The following RBMS3 variants were observed in gnomAD, a reference collection of about 807,000 sequenced individuals.
RBMS3 encodes RNA binding motif single stranded interacting protein 3.
In RBMS3, 27 loss-of-function variants were observed where a neutral mutation model predicts 66.8. The observed-to-expected ratio is 0.40, with a 90% CI of 0.30 to 0.56. The LOEUF is 0.56. Among genes scored for constraint, RBMS3 ranks in the 20% least tolerant of loss-of-function variants. RBMS3 has a pLI of 0.40. For synonymous variants in RBMS3, 188 were observed against 183.0 expected (o/e 1.03, Z -0.22); for missense variants, 513 against 549.5 (o/e 0.93, Z 0.66).
At chr3:29,341,730 T>C (rs1040647714) in intron 1 of RBMS3, among the ~76,000 whole-genome samples, 2 of 152,150 alleles carry the variant, frequency 1.3e-5, no homozygotes, top group African/African-American at 2.4e-5. Flanking sequence ...CATTTGTCTT[T>C]AGTGGTTTAT....
At chr3:29,726,059 C>T (rs761111030) in intron 4 of RBMS3, among the ~76,000 whole-genome samples, 1 of 152,136 alleles carries the variant, frequency 6.6e-6, no homozygotes, top group Non-Finnish European at 1.5e-5. Context: ...TCAACATATG[C>T]AAATCAATAA....
intron 14 of RBMS3, among the ~76,000 whole-genome samples, chr3:29,995,149 G>A (rs1002166930): frequency 2.0e-4 from 31 of 152,312 alleles, no homozygotes; most frequent in African/African-American, 6.3e-4. Flanking sequence ...GAGCCGATGC[G>A]ATCAACTGGA....
chr3:29,390,880 A>G (rs556502931), intron 1 of RBMS3: 2 of 165,964 alleles, frequency 1.2e-5, no homozygotes, highest in East Asian at 2.6e-4. Flanking sequence ...CTGGAGGCGT[A>G]GTGGACATTA....
At chr3:29,542,605 C>T (rs2045807222) in intron 3 of RBMS3, among the ~76,000 whole-genome samples, 1 of 152,166 alleles carries the variant, frequency 6.6e-6, no homozygotes, top group Non-Finnish European at 1.5e-5. Flanking sequence ...AGGTGATCTG[C>T]CTGCCTTGGC....
chr3:29,928,329 T>C (rs1318117517), intron 10 of RBMS3, among the ~76,000 whole-genome samples: 1 of 139,424 alleles, frequency 7.2e-6, no homozygotes, highest in Non-Finnish European at 1.5e-5. Flanking sequence ...TTTTTTATTA[T>C]GAAATATATT....
intron 4 of RBMS3, among the ~76,000 whole-genome samples, chr3:29,685,172 C>A (rs2051670361): frequency 6.6e-6 from 1 of 152,114 alleles, no homozygotes; most frequent in Non-Finnish European, 1.5e-5. Context: ...CATTCTCCTG[C>A]CTCAGCCTCC....
At chr3:29,284,866 T>C (rs904499636) in intron 1 of RBMS3, among the ~76,000 whole-genome samples, 1 of 131,910 alleles carries the variant, frequency 7.6e-6, no homozygotes, top group African/African-American at 2.7e-5. Flanking sequence ...ATTTTTCTTT[T>C]TTTTTTTTTT....
At chr3:29,404,721 A>T (rs1259925170) in intron 1 of RBMS3, among the ~76,000 whole-genome samples, 1 of 152,082 alleles carries the variant, frequency 6.6e-6, no homozygotes, top group Admixed American at 6.6e-5. Flanking sequence ...ATAAATCTTC[A>T]ATTTGCCTTA....
intron 3 of RBMS3, among the ~76,000 whole-genome samples, chr3:29,543,875 A>G (rs1199324997): frequency 6.6e-6 from 1 of 152,128 alleles, no homozygotes; most frequent in Non-Finnish European, 1.5e-5. Context: ...TAGTTGTAAT[A>G]TTCTTTAAAA....
intron 4 of RBMS3, among the ~76,000 whole-genome samples, chr3:29,685,003 T>C (rs2051654841): frequency 6.6e-6 from 1 of 152,206 alleles, no homozygotes; most frequent in Non-Finnish European, 1.5e-5. Flanking sequence ...GTATAAGTTT[T>C]ATATTTTTCA....
At chr3:29,672,845 C>A (rs1309702034) in intron 4 of RBMS3, among the ~76,000 whole-genome samples, 1 of 152,048 alleles carries the variant, frequency 6.6e-6, no homozygotes, top group African/African-American at 2.4e-5. Flanking sequence ...ACTTTAACAC[C>A]CCACTGTCAA....
At chr3:29,995,814 T>G (rs911275476) in intron 14 of RBMS3, among the ~76,000 whole-genome samples, 5 of 152,176 alleles carry the variant, frequency 3.3e-5, no homozygotes, top group Admixed American at 1.3e-4. Context: ...TGCAAAATCA[T>G]GCCAAAATGT....
At chr3:29,356,729 G>A (rs2037242291) in intron 1 of RBMS3, among the ~76,000 whole-genome samples, 1 of 152,144 alleles carries the variant, frequency 6.6e-6, no homozygotes, top group African/African-American at 2.4e-5. Context: ...TACTGTGAAA[G>A]ATGTGTGTGT....
chr3:29,995,389 G>T (rs997933196), intron 14 of RBMS3, among the ~76,000 whole-genome samples: 3 of 152,246 alleles, frequency 2.0e-5, no homozygotes, highest in Non-Finnish European at 2.9e-5. Context: ...GCAGGCCAAC[G>T]TTCAGATTCA....
chr3:29,356,482 A>G (rs1186631664), intron 1 of RBMS3, among the ~76,000 whole-genome samples: 1 of 152,194 alleles, frequency 6.6e-6, no homozygotes, highest in Non-Finnish European at 1.5e-5. Flanking sequence ...CAGAGAGCCT[A>G]GTTAACATCC....
chr3:29,513,840 A>G (rs1326491470), intron 3 of RBMS3, among the ~76,000 whole-genome samples: 1 of 152,128 alleles, frequency 6.6e-6, no homozygotes, highest in African/African-American at 2.4e-5. Context: ...TTCATTCTAT[A>G]CTTTCCTTCT....
At chr3:29,664,297 A>G (rs61528682) in intron 4 of RBMS3, among the ~76,000 whole-genome samples, 5,407 of 152,108 alleles carry the variant, frequency 0.036, 213 homozygotes, top group African/African-American at 0.091. Context: ...AGACCATCCT[A>G]GCCAACATGG....
chr3:29,592,797 G>A (rs1056160680), intron 4 of RBMS3, among the ~76,000 whole-genome samples: 2 of 151,896 alleles, frequency 1.3e-5, no homozygotes, highest in Non-Finnish European at 2.9e-5. Flanking sequence ...AGAAAATATG[G>A]CACATATACA....
intron 3 of RBMS3, among the ~76,000 whole-genome samples, chr3:29,512,469 T>C (rs2044451932): frequency 6.6e-6 from 1 of 152,170 alleles, no homozygotes; most frequent in African/African-American, 2.4e-5. Flanking sequence ...TATTCACAAA[T>C]ATATCTGGAA....
Sources: allele counts gnomAD v4.1 joint callset (sites outside exome capture counted in the v4.1 genomes callset), GRCh38; gene constraint gnomAD v4.1.1; transcripts MANE v1.5; gene names NCBI Gene and HGNC (gene_info 2026-07-23, HGNC 2026-07-21).